The following GJA1 variants were observed in gnomAD, a reference collection of about 807,000 sequenced individuals.
The protein encoded by GJA1 is gap junction alpha-1 protein.
GJA1 carries 9 observed loss-of-function variants against 31.0 expected under a neutral mutation model. The ratio of observed to expected loss-of-function variants is 0.29; its 90% confidence interval spans 0.17 to 0.51. The LOEUF (loss-of-function observed/expected upper bound fraction) is 0.51. Among genes scored for constraint, GJA1 ranks in the 20% least tolerant of loss-of-function variants. The pLI is 0.98. For synonymous variants in GJA1, 186 were observed against 180.1 expected, an observed-to-expected ratio of 1.03 and a Z score of -0.26; for missense variants, 278 against 468.8, an observed-to-expected ratio of 0.59 and a Z score of 3.76.
chr6:121,435,795 A>C lies in GJA1; in HGVS notation c.-54A>C, dbSNP rs1279812674. 1 of 152,238 alleles carries C rather than the reference A, an allele frequency of 6.6e-6. No homozygotes were observed. The highest frequency in any genetic ancestry group is 2.1e-4 in the South Asian group (1 of 4,854). The allele number at this position is 152,238 out of a possible 1,614,324, so 9.4% of individuals were successfully genotyped here. On this transcript the variant is annotated 5_prime_UTR_variant, in exon 1 of 2. Coordinates refer to ENST00000282561, the MANE Select transcript of GJA1 (RefSeq NM_000165.5). ...TTTTACTTCATCCTCCAAGGAGTTC[A>C]ATCACTTGGCGTGACTTCACTACTT...
rs148004852 is a variant in GJA1 at position 121,436,249 on chromosome 6, G to A, written c.-17+417G>A. ...CTGACTACATCGGAAAAATCAAAGT[G>A]CAAATTTGCTTAGCGTGCTTCCTAT... On this transcript the variant is annotated intron_variant, in intron 1 of 1. Coordinates refer to ENST00000282561, the MANE Select transcript of GJA1 (RefSeq NM_000165.5). Among the ~76,000 whole-genome samples the A allele has an allele frequency of 1.6e-3, 242 of 148,012 alleles. 1 individual carries two copies. The highest frequency in any genetic ancestry group is 5.8e-3 in the African/African-American group (234 of 40,316).
At chr6:121,440,912 T>TTTGTTGTTG (rs59447853) in intron 1 of GJA1, among the ~76,000 whole-genome samples, 2 of 142,178 alleles carry the variant, frequency 1.4e-5, no homozygotes, top group African/African-American at 5.6e-5. Context: ...TGGCTACTTT[T>TTTGTTGTTG]TTGTTGTTGT....
At position 121,436,187 on chromosome 6, in the gene GJA1, G is replaced by GT. The variant is rs994533137; in HGVS notation, c.-17+355_-17+356insT. On this transcript the variant is annotated intron_variant, in intron 1 of 1. Transcript: ENST00000282561. ...CTAGGTGCTATCATTTGTTGGGTGGGGGGGGGGCGGTTAGGCGCCTGGGTT... is the reference window on the plus strand; with the variant it reads ...CTAGGTGCTATCATTTGTTGGGTGGGTGGGGGGGCGGTTAGGCGCCTGGGTT... Among the ~76,000 whole-genome samples the GT allele has an allele frequency of 2.1e-4, 27 of 128,120 alleles. 2 individuals carry two copies. The highest frequency in any genetic ancestry group is 7.5e-4 in the African/African-American group (26 of 34,796). 84.1% of individuals were successfully genotyped at this position (128,120 alleles called of 152,430 possible).
At chr6:121,444,139 G>A (rs942803928) in intron 1 of GJA1, among the ~76,000 whole-genome samples, 3 of 151,926 alleles carry the variant, frequency 2.0e-5, no homozygotes, top group African/African-American at 7.3e-5. Flanking sequence ...CTCACTTCAA[G>A]CCTTTCCTTG....
In GJA1 at chr6:121,448,832, G is replaced by T. The variant is rs538348162; in HGVS notation, c.*836G>T. ...AACAATCACTTATATGTGTGTCGAA[G>T]AGTTTGTTTTGTTTGTCATGTATTG... On this transcript the variant is annotated 3_prime_UTR_variant, in exon 2 of 2. Coordinates refer to ENST00000282561, the MANE Select transcript of GJA1 (RefSeq NM_000165.5). 1 of 166,820 alleles carries T rather than the reference G, an allele frequency of 6.0e-6. No homozygotes were observed. The highest frequency in any genetic ancestry group is 1.5e-5 in the Non-Finnish European group (1 of 68,130). 10.3% of individuals were successfully genotyped at this position (166,820 alleles called of 1,614,324 possible).
At chr6:121,436,136 GT>G (rs10692429) in intron 1 of GJA1, among the ~76,000 whole-genome samples, 17 of 102,928 alleles carry the variant, frequency 1.7e-4, no homozygotes, top group South Asian at 9.6e-4. Context: ...ATTTTATTTT[GT>G]TTTTTTTTTG....
At chr6:121,436,184 T>TGTG (rs1554200293) in intron 1 of GJA1, among the ~76,000 whole-genome samples, 2 of 29,888 alleles carry the variant, frequency 6.7e-5, no homozygotes, top group East Asian at 1.0e-3. Context: ...ATTTGTTGGG[T>TGTG]GGGGGGGGGG....
At chr6:121,439,150 A>G (rs1384302552) in intron 1 of GJA1, among the ~76,000 whole-genome samples, 2 of 152,158 alleles carry the variant, frequency 1.3e-5, no homozygotes, top group Non-Finnish European at 2.9e-5. Flanking sequence ...AAAATTTTAA[A>G]AAGAAAATGT....
chr6:121,435,961 G>T (rs1014633616), intron 1 of GJA1, 129 bp downstream of exon 1: 1 of 152,008 alleles, frequency 6.6e-6, no homozygotes, highest in Non-Finnish European at 1.5e-5. Context: ...TGATGGATTT[G>T]AAAGTGTTTC....
chr6:121,440,485 C>A (rs1230634359), intron 1 of GJA1, among the ~76,000 whole-genome samples: 90 of 152,142 alleles, frequency 5.9e-4, no homozygotes, highest in South Asian at 2.1e-4. Flanking sequence ...ACAAACAGTT[C>A]TCTGTTTCAG....
chr6:121,438,888 C>G (rs1390598890), intron 1 of GJA1, among the ~76,000 whole-genome samples: 1 of 151,690 alleles, frequency 6.6e-6, no homozygotes, highest in Non-Finnish European at 1.5e-5. Flanking sequence ...TGTCTTTTAC[C>G]TATTTTCAAA....
chr6:121,439,079 C>T (rs973091526), intron 1 of GJA1, among the ~76,000 whole-genome samples: 1 of 152,112 alleles, frequency 6.6e-6, no homozygotes, highest in East Asian at 1.9e-4. Context: ...GGGAGGATCG[C>T]TTGGGGCCAG....
intron 1 of GJA1, among the ~76,000 whole-genome samples, chr6:121,444,205 T>A (rs1403459677): frequency 3.3e-5 from 5 of 152,242 alleles, no homozygotes; most frequent in Non-Finnish European, 7.3e-5. Context: ...TGACTGCTGT[T>A]TTAAATTGAT....
At chr6:121,439,010 A>G (rs1195054169) in intron 1 of GJA1, among the ~76,000 whole-genome samples, 1 of 151,860 alleles carries the variant, frequency 6.6e-6, no homozygotes, top group East Asian at 1.9e-4. Context: ...ATATATGTTT[A>G]TCGTCAGCTG....
intron 1 of GJA1, among the ~76,000 whole-genome samples, chr6:121,444,026 A>G (rs573858594): frequency 1.2e-4 from 19 of 152,256 alleles, no homozygotes; most frequent in African/African-American, 4.6e-4. Context: ...CTCATGGACT[A>G]TACTTCTTCA....
intron 1 of GJA1, among the ~76,000 whole-genome samples, chr6:121,436,136 G>GTT (rs10692429): frequency 0.082 from 8,396 of 102,884 alleles, 412 homozygotes; most frequent in African/African-American, 0.15. Flanking sequence ...ATTTTATTTT[G>GTT]TTTTTTTTTT....
chr6:121,439,723 G>A (rs1467823086), intron 1 of GJA1, among the ~76,000 whole-genome samples: 1 of 152,142 alleles, frequency 6.6e-6, no homozygotes, highest in Non-Finnish European at 1.5e-5. Flanking sequence ...CAGTGATGAG[G>A]AGGGGTAAGA....
intron 1 of GJA1, among the ~76,000 whole-genome samples, chr6:121,441,695 G>A (rs1773794468): frequency 2.0e-5 from 3 of 152,108 alleles, no homozygotes; most frequent in Admixed American, 2.0e-4. Context: ...GGATGGAGCA[G>A]AGCTCATCAA....
intron 1 of GJA1, among the ~76,000 whole-genome samples, chr6:121,439,379 T>C (rs1773726630): frequency 6.6e-6 from 1 of 152,186 alleles, no homozygotes; most frequent in African/African-American, 2.4e-5. Context: ...GGTGTCTTTA[T>C]ATGATTATAA....
Sources: allele counts gnomAD v4.1 joint callset (sites outside exome capture counted in the v4.1 genomes callset), GRCh38; gene constraint gnomAD v4.1.1; transcripts MANE v1.5; gene names NCBI Gene and HGNC (gene_info 2026-07-23, HGNC 2026-07-21).